The following SURF2 variants were observed in gnomAD, a reference collection of about 807,000 sequenced individuals.
The protein encoded by SURF2 is surfeit locus protein 2.
Under a neutral mutation model 26.2 loss-of-function variants are expected in SURF2, and 32 were observed. The observed-to-expected ratio is 1.22, with a 90% confidence interval of 0.92 to 1.64. The LOEUF (loss-of-function observed/expected upper bound fraction) is 1.64. SURF2 is among the 40% of genes most tolerant of loss of function. The probability of loss-of-function intolerance (pLI) is 0.00; values close to 1 mark genes in which losing one functional copy is unlikely to be tolerated. For synonymous variants in SURF2, 173 were observed against 139.1 expected (o/e 1.24, Z -1.71); for missense variants, 415 against 341.6 (o/e 1.21, Z -1.69).
chr9:133,358,183 C>G (rs1836661274), intron 3 of SURF2, among the ~76,000 whole-genome samples: 1 of 152,040 alleles, frequency 6.6e-6, no homozygotes, highest in Non-Finnish European at 1.5e-5. Flanking sequence ...GAACAGCACC[C>G]CAGGGAGAAG....
chr9:133,358,529 T>C (rs2130039957), intron 3 of SURF2, among the ~76,000 whole-genome samples: 3 of 152,098 alleles, frequency 2.0e-5, no homozygotes, highest in Non-Finnish European at 4.4e-5. Context: ...ATGAAGGAGA[T>C]GGTTGCACCG....
chr9:133,357,902 T>C, intron 3 of SURF2, 88 bp downstream of exon 3: 17 of 1,302,822 alleles, frequency 1.3e-5, no homozygotes, highest in Non-Finnish European at 1.6e-5. Flanking sequence ...AGGCAGGTCG[T>C]CCTTCAGCGA....
intron 3 of SURF2, among the ~76,000 whole-genome samples, chr9:133,359,727 T>C (rs948436815): frequency 6.6e-6 from 1 of 152,198 alleles, no homozygotes; most frequent in African/African-American, 2.4e-5. Flanking sequence ...AAAGGCCCCG[T>C]AGACCTCTAC....
At chr9:133,357,589 C>G (rs1836642329) in intron 2 of SURF2, 122 bp from the exon 3 acceptor site, 1 of 865,700 alleles carries the variant, frequency 1.2e-6, no homozygotes. Flanking sequence ...GCTCCGGGAG[C>G]CTTTAAAAGC....
intron 3 of SURF2, 21 bp from the exon 4 acceptor site, chr9:133,359,929 A>C: frequency 6.3e-7 from 1 of 1,592,472 alleles, no homozygotes; most frequent in Non-Finnish European, 8.6e-7. Flanking sequence ...GGTACCCAGC[A>C]CGTGCTGGCT....
chr9:133,359,668 C>T (rs1244359862), intron 3 of SURF2, among the ~76,000 whole-genome samples: 2 of 152,250 alleles, frequency 1.3e-5, no homozygotes, highest in Admixed American at 1.3e-4. Flanking sequence ...CTGGTCAGTG[C>T]CCTCCTAGCC....
chr9:133,360,363 A>G lies in SURF2; in HGVS notation c.616A>G (p.Arg206Gly), dbSNP rs2130050492. 45 of 1,613,940 alleles carry G rather than the reference A, an allele frequency of 2.8e-5. No individual in the cohort carries two copies. The highest frequency in any genetic ancestry group is 3.6e-5 in the Non-Finnish European group (42 of 1,180,024). The change falls in exon 5 of 6, where the codon AGA becomes GGA. Residue 206 changes from arginine to glycine, a missense_variant. Arg to Gly is a moderately radical substitution (Grantham distance 125). Coordinates refer to ENST00000371964, the MANE Select transcript of SURF2 (RefSeq NM_017503.5). ...AGAGGATGAGAAGGCAAAGCCCCCA[A>G]GAGAGAAGGCCACTGATGAGGGCAG... is the stretch of plus-strand genomic sequence containing the variant. ...DKEDEKAKPP[R>G]EKATDEGRRE... is the part of the protein sequence containing the mutation.
rs2130058141 is a variant in SURF2, at chr9:133,361,121, C to T, written c.753C>T (p.Ser251=). Residue 251 remains serine, a synonymous_variant, in exon 6 of 6, where the codon TCC becomes TCT. Coordinates refer to ENST00000371964, the MANE Select transcript of SURF2 (RefSeq NM_017503.5). ...SHHRKPKSFS[S]CKQPG is the part of the protein sequence containing the mutation. ...ACCGCAAACCCAAGAGCTTCAGCTC[C>T]TGTAAACAGCCAGGTTAATAAAAGC... 11 of 1,614,188 alleles carry T rather than the reference C, an allele frequency of 6.8e-6. No homozygotes were observed. Among genetic ancestry groups the T allele is most frequent in the Non-Finnish European group, 9.3e-6 (11 of 1,180,008 alleles).
rs201919612 is a variant in SURF2, at chr9:133,361,124, T to G, written c.756T>G (p.Cys252Trp). 670 of 1,614,174 alleles carry G rather than the reference T, an allele frequency of 4.2e-4. 11 individuals are homozygous for G. In the South Asian group the frequency reaches 6.7e-3, roughly 16 times the overall value. Residue 252 changes from cysteine (C) to tryptophan (W), a missense_variant, in exon 6 of 6, where the codon TGT becomes TGG. Transcript: ENST00000371964. The part of the protein sequence containing the change: ...HHRKPKSFSS[C>W]KQPG ...GCAAACCCAAGAGCTTCAGCTCCTG[T>G]AAACAGCCAGGTTAATAAAAGCACA... is the stretch of plus-strand genomic sequence containing the variant.
intron 4 of SURF2, 33 bp from the exon 5 acceptor site, chr9:133,360,232 A>T: frequency 6.2e-7 from 1 of 1,607,994 alleles, no homozygotes; most frequent in East Asian, 2.2e-5. Context: ...TCAGCCTAAA[A>T]TAACTGTCAG....
rs2130030268 is a variant in SURF2, at chr9:133,356,774, G to A, written c.78+104G>A. 73 of 1,379,012 alleles carry A rather than the reference G, an allele frequency of 5.3e-5. 1 individual carries two copies. The highest frequency in any genetic ancestry group is 6.7e-5 in the Non-Finnish European group (70 of 1,043,922). 85.4% of individuals were successfully genotyped at this position (1,379,012 alleles called of 1,614,324 possible). The stretch of plus-strand genomic sequence containing the variant: ...GGAGAGGGCAGGGGAGAGGGGAGAG[G>A]GGAGAGCAGGAGAGAGGGGAGGGCA... On this transcript the variant is annotated intron_variant, in intron 1 of 5. Transcript: ENST00000371964.
chr9:133,360,412 G>A lies in SURF2; in HGVS notation c.665G>A (p.Gly222Glu). The change falls in exon 5 of 6, where the codon GGG becomes GAG. Residue 222 changes from glycine (G) to glutamate (E), a missense_variant. By Grantham distance (98) the Gly-to-Glu change is moderately conservative. Transcript: ENST00000371964. ...EGRRETTVYRGLVQKRGKKQL... is the reference protein window; with the variant it reads ...EGRRETTVYRELVQKRGKKQL... Reference sequence around the variant, plus strand: ...AGGAGAGAGACGACCGTGTACCGAGGGCTGGTCCAGAAGCGCGGGAAGGTG... The same window carrying A: ...AGGAGAGAGACGACCGTGTACCGAGAGCTGGTCCAGAAGCGCGGGAAGGTG... 6.2e-7 allele frequency: 1 copy of A among 1,611,452 alleles called. No homozygotes were observed. Among genetic ancestry groups the A allele is most frequent in the Non-Finnish European group, 8.5e-7 (1 of 1,179,790 alleles).
intron 2 of SURF2, 122 bp downstream of exon 2, chr9:133,357,190 C>T: frequency 7.8e-7 from 1 of 1,284,476 alleles, no homozygotes; most frequent in Non-Finnish European, 1.0e-6. Context: ...CAGGTGGGCG[C>T]CCGGGTGCTG....
chr9:133,361,000 C>T (rs782719359), intron 5 of SURF2, 56 bp from the exon 6 acceptor site: 13 of 1,585,252 alleles, frequency 8.2e-6, no homozygotes, highest in Non-Finnish European at 2.6e-6. Flanking sequence ...CACTCCAGGG[C>T]CCCTTCTCCA....
intron 5 of SURF2, 114 bp from the exon 6 acceptor site, chr9:133,360,941 TG>T: frequency 9.5e-7 from 1 of 1,053,678 alleles, no homozygotes; most frequent in Non-Finnish European, 1.4e-6. Flanking sequence ...AAAGCCTCTG[TG>T]GGTATTTGAC....
At position 133,360,296 on chromosome 9, in the gene SURF2, C is replaced by T. The variant is rs2130049764; in HGVS notation, c.549C>T (p.Ser183=). 6.2e-7 allele frequency: 1 copy of T among 1,614,124 alleles called. No homozygotes were observed. The highest frequency in any genetic ancestry group is 2.2e-5 in the East Asian group (1 of 44,872). The change falls in exon 5 of 6, where the codon AGC becomes AGT. Residue 183 remains serine (S), a synonymous_variant. Transcript: ENST00000371964. ...TATTCACCAGAAAGGACCTTGGAAG[C>T]ACGGAGGATGGGGATGGCACTGATG... ...PELFTRKDLG[S]TEDGDGTDDF...
Position 133,361,106 on chromosome 9 carries a change from C to T in SURF2, c.738C>T (p.Pro246=), listed in dbSNP as rs1299848465. The change falls in exon 6 of 6, where the codon CCC becomes CCT. Residue 246 remains proline, a synonymous_variant. Coordinates refer to ENST00000371964, the MANE Select transcript of SURF2 (RefSeq NM_017503.5). The part of the protein sequence containing the change: ...KKKFKSHHRK[P]KSFSSCKQPG Reference sequence around the variant, plus strand: ...AGTTCAAGAGTCATCACCGCAAACCCAAGAGCTTCAGCTCCTGTAAACAGC... The same window carrying T: ...AGTTCAAGAGTCATCACCGCAAACCTAAGAGCTTCAGCTCCTGTAAACAGC... 6.2e-7 allele frequency: 1 copy of T among 1,614,174 alleles called. No individual in the cohort carries two copies.
chr9:133,358,331 G>T (rs147564150), intron 3 of SURF2, among the ~76,000 whole-genome samples: 75 of 152,260 alleles, frequency 4.9e-4, no homozygotes, highest in African/African-American at 1.6e-3. Flanking sequence ...AGAGGGTTGG[G>T]TGGGGGCTGC....
rs2130028409 is a variant in SURF2, at chr9:133,356,590, GC to G, written c.-1del. The stretch of plus-strand genomic sequence containing the variant: ...GCCGGGCTGCTCCGCGGGCGCGTCG[GC>G]CATGAGCGAGTTGCCGGGCGACGTG... On this transcript the variant is annotated 5_prime_UTR_variant, in exon 1 of 6. Transcript: ENST00000371964. The G allele has an allele frequency of 4.6e-6, 7 of 1,522,646 alleles. No homozygotes were observed. In the South Asian group the frequency reaches 8.4e-5, roughly 18 times the overall value. 94.3% of individuals were successfully genotyped at this position (1,522,646 alleles called of 1,614,324 possible). A position where few individuals can be genotyped will look rare whatever the true frequency, so the allele number is the denominator to read the frequency against.
Sources: allele counts gnomAD v4.1 joint callset (sites outside exome capture counted in the v4.1 genomes callset), GRCh38; gene constraint gnomAD v4.1.1; transcripts MANE v1.5; gene names NCBI Gene and HGNC (gene_info 2026-07-23, HGNC 2026-07-21).